CDH12: variants seen among roughly 807,000 people sequenced by gnomAD.
The protein encoded by CDH12 is cadherin-12.
A neutral mutation model predicts 74.1 loss-of-function variants in CDH12; 41 were observed. The ratio of observed to expected loss-of-function variants is 0.55; its 90% CI spans 0.43 to 0.72. The LOEUF is 0.72. Ranked by LOEUF, CDH12 falls within the 30% of genes least tolerant of loss-of-function variation. The probability of loss-of-function intolerance (pLI) is 0.00; values close to 1 mark genes in which losing one functional copy is unlikely to be tolerated. For missense variants in CDH12, 945 were observed against 977.2 expected, an observed-to-expected ratio of 0.97 and a Z score of 0.44; for synonymous variants, 399 against 355.0, an observed-to-expected ratio of 1.12 and a Z score of -1.39.
chr5:22,586,940 G>C (rs1420578043), intron 1 of CDH12, among the ~76,000 whole-genome samples: 1 of 146,926 alleles, frequency 6.8e-6, no homozygotes, highest in Non-Finnish European at 1.5e-5. Flanking sequence ...TCCGCCTCCT[G>C]GGTTCAAGTG....
intron 1 of CDH12, among the ~76,000 whole-genome samples, chr5:22,624,871 T>G (rs903305585): frequency 6.6e-6 from 1 of 152,222 alleles, no homozygotes; most frequent in African/African-American, 2.4e-5. Context: ...GTATGTTTAT[T>G]GTGGCACTAT....
At chr5:21,797,939 G>A (rs1440525387) in intron 10 of CDH12, among the ~76,000 whole-genome samples, 1 of 152,006 alleles carries the variant, frequency 6.6e-6, no homozygotes, top group Non-Finnish European at 1.5e-5. Context: ...AACATAGCAT[G>A]TTCTCTACTC....
At chr5:22,497,642 T>TC (rs1747154826) in intron 2 of CDH12, among the ~76,000 whole-genome samples, 1 of 135,218 alleles carries the variant, frequency 7.4e-6, no homozygotes, top group Non-Finnish European at 1.6e-5. Flanking sequence ...GAATCTCTTT[T>TC]TTTTTTTTTT....
intron 3 of CDH12, among the ~76,000 whole-genome samples, chr5:22,280,423 T>A (rs563160909): frequency 6.6e-6 from 1 of 152,012 alleles, no homozygotes; most frequent in Non-Finnish European, 1.5e-5. Context: ...AAAAAATCAA[T>A]GAATCCAGGA....
chr5:22,309,803 T>G (rs1182925660), intron 3 of CDH12, among the ~76,000 whole-genome samples: 1 of 151,994 alleles, frequency 6.6e-6, no homozygotes, highest in African/African-American at 2.4e-5. Flanking sequence ...GTACCTTGAT[T>G]GATAGTTTCT....
intron 1 of CDH12, among the ~76,000 whole-genome samples, chr5:22,835,677 C>T (rs1425636912): frequency 2.0e-5 from 3 of 152,116 alleles, no homozygotes; most frequent in East Asian, 1.9e-4. Flanking sequence ...CATTAGAATC[C>T]TCCACTAACA....
intron 1 of CDH12, among the ~76,000 whole-genome samples, chr5:22,800,087 A>G (rs1428947645): frequency 2.0e-5 from 3 of 152,306 alleles, no homozygotes; most frequent in Non-Finnish European, 4.4e-5. Flanking sequence ...AGGAGGTAGT[A>G]GTTAATTCAA....
chr5:21,898,270 G>A (rs1753216844), intron 6 of CDH12, among the ~76,000 whole-genome samples: 1 of 151,904 alleles, frequency 6.6e-6, no homozygotes, highest in Admixed American at 6.6e-5. Flanking sequence ...AGACCAGGAT[G>A]GAGTGTAGTG....
intron 6 of CDH12, among the ~76,000 whole-genome samples, chr5:21,856,359 A>G (rs1750753661): frequency 6.6e-6 from 1 of 151,756 alleles, no homozygotes; most frequent in Non-Finnish European, 1.5e-5. Context: ...ATATAGGCAA[A>G]GTCTACAAAT....
chr5:22,683,855 A>G (rs1296773367), intron 1 of CDH12, among the ~76,000 whole-genome samples: 2 of 152,232 alleles, frequency 1.3e-5, no homozygotes, highest in Admixed American at 1.3e-4. Flanking sequence ...GAAATGAGGC[A>G]GGGCATAGAC....
intron 1 of CDH12, among the ~76,000 whole-genome samples, chr5:22,549,339 T>C (rs1382726612): frequency 6.6e-6 from 1 of 152,070 alleles, no homozygotes; most frequent in African/African-American, 2.4e-5. Flanking sequence ...ATGTTTTCAA[T>C]TCTAAGGCAA....
intron 1 of CDH12, among the ~76,000 whole-genome samples, chr5:22,765,803 T>A (rs1746480024): frequency 6.6e-6 from 1 of 151,746 alleles, no homozygotes; most frequent in Non-Finnish European, 1.5e-5. Context: ...GTTCTCAGAG[T>A]ATATAGAGTT....
chr5:22,682,990 T>C (rs1741575913), intron 1 of CDH12, among the ~76,000 whole-genome samples: 1 of 152,116 alleles, frequency 6.6e-6, no homozygotes, highest in Admixed American at 6.6e-5. Flanking sequence ...CATTGGCTTC[T>C]CTATTTTTCT....
chr5:22,042,064 CATAA>C, intron 5 of CDH12, among the ~76,000 whole-genome samples: 1 of 151,932 alleles, frequency 6.6e-6, no homozygotes, highest in African/African-American at 2.4e-5. Flanking sequence ...ATCAATGCAT[CATAA>C]ATAAATTAAA....
chr5:22,585,717 AC>A (rs1334520506), intron 1 of CDH12, among the ~76,000 whole-genome samples: 1 of 150,718 alleles, frequency 6.6e-6, no homozygotes, highest in Non-Finnish European at 1.5e-5. Context: ...ACATTTTACT[AC>A]ATTTTTTTTT....
At chr5:22,278,825 G>T (rs1317204511) in intron 3 of CDH12, among the ~76,000 whole-genome samples, 2 of 151,904 alleles carry the variant, frequency 1.3e-5, no homozygotes, top group African/African-American at 4.8e-5. Context: ...TAGCTATGGA[G>T]GTCATTTTTT....
chr5:22,103,079 G>C, intron 4 of CDH12, among the ~76,000 whole-genome samples: 1 of 152,172 alleles, frequency 6.6e-6, no homozygotes, highest in South Asian at 2.1e-4. Flanking sequence ...CATTTCAGCA[G>C]ATGCCTGCTC....
At chr5:22,237,844 C>T (rs531211043) in intron 3 of CDH12, among the ~76,000 whole-genome samples, 4 of 152,276 alleles carry the variant, frequency 2.6e-5, no homozygotes, top group South Asian at 2.1e-4. Flanking sequence ...AATATACATA[C>T]ATTTTTTAAT....
intron 6 of CDH12, among the ~76,000 whole-genome samples, chr5:21,970,875 G>GAAA (rs1756823804): frequency 1.6e-5 from 1 of 63,312 alleles, no homozygotes; most frequent in African/African-American, 5.7e-5. Context: ...AAAAAAAAAA[G>GAAA]AAAAAAGAAA....
Sources: allele counts gnomAD v4.1 joint callset (sites outside exome capture counted in the v4.1 genomes callset), GRCh38; gene constraint gnomAD v4.1.1; transcripts MANE v1.5; gene names NCBI Gene and HGNC (gene_info 2026-07-23, HGNC 2026-07-21).